The following ARHGAP5 variants were observed in gnomAD, a reference collection of about 807,000 sequenced individuals.
ARHGAP5 encodes Rho GTPase activating protein 5.
Under a neutral mutation model 116.6 loss-of-function variants are expected in ARHGAP5, and 23 were observed. The ratio of observed to expected loss-of-function variants is 0.20; its 90% confidence interval spans 0.14 to 0.28. ARHGAP5 has a LOEUF of 0.28. Ranked by LOEUF, ARHGAP5 falls within the 10% of genes least tolerant of loss-of-function variation. ARHGAP5 has a pLI of 1.00. For synonymous variants in ARHGAP5, 574 were observed against 602.0 expected (o/e 0.95, Z 0.68); for missense variants, 1,405 against 1,774.8 (o/e 0.79, Z 3.74).
chr14:32,123,598 GT>G (rs536208268), intron 3 of ARHGAP5, among the ~76,000 whole-genome samples: 22 of 151,864 alleles, frequency 1.4e-4, no homozygotes, highest in Admixed American at 1.0e-3. Flanking sequence ...TGTTTTGATA[GT>G]TTTGATGTCA....
At chr14:32,079,883 A>C (rs1301090571) in intron 1 of ARHGAP5, among the ~76,000 whole-genome samples, 1 of 152,190 alleles carries the variant, frequency 6.6e-6, no homozygotes, top group African/African-American at 2.4e-5. Flanking sequence ...GAAGGTGTGT[A>C]GTAATATAAT....
At chr14:32,102,930 T>C (rs1303138103) in intron 2 of ARHGAP5, among the ~76,000 whole-genome samples, 7 of 152,226 alleles carry the variant, frequency 4.6e-5, no homozygotes, top group African/African-American at 1.7e-4. Flanking sequence ...TTTCAAGAAA[T>C]TCAGTCTAAT....
At chr14:32,082,021 C>A (rs1356705197) in intron 1 of ARHGAP5, among the ~76,000 whole-genome samples, 1 of 152,080 alleles carries the variant, frequency 6.6e-6, no homozygotes, top group African/African-American at 2.4e-5. Context: ...TAGTTAGATT[C>A]ACAAAGGGAG....
intron 2 of ARHGAP5, among the ~76,000 whole-genome samples, chr14:32,108,118 G>A (rs768966974): frequency 3.3e-5 from 5 of 152,156 alleles, no homozygotes; most frequent in Non-Finnish European, 7.4e-5. Flanking sequence ...GTATCTGGTC[G>A]TGACAAGCGG....
chr14:32,131,994 T>C (rs1174180296), intron 3 of ARHGAP5, among the ~76,000 whole-genome samples: 5 of 152,200 alleles, frequency 3.3e-5, no homozygotes, highest in African/African-American at 1.2e-4. Context: ...TTGTTGGACA[T>C]TTAGGTTGGT....
At chr14:32,102,097 G>A (rs544138057) in intron 2 of ARHGAP5, among the ~76,000 whole-genome samples, 1 of 152,334 alleles carries the variant, frequency 6.6e-6, no homozygotes, top group East Asian at 1.9e-4. Context: ...GTGCTTGAAA[G>A]TTTCACATTT....
intron 3 of ARHGAP5, among the ~76,000 whole-genome samples, chr14:32,131,632 G>A (rs946227699): frequency 6.6e-6 from 1 of 152,002 alleles, no homozygotes. Context: ...TGTGCACAAC[G>A]TGCAGGTTTG....
chr14:32,146,219 A>G (rs1379392466), intron 3 of ARHGAP5, 44 bp from the exon 4 acceptor site: 3 of 1,393,480 alleles, frequency 2.2e-6, no homozygotes, highest in South Asian at 2.3e-5. Context: ...CCGTGTGGAT[A>G]TATATGTGTT....
At chr14:32,110,732 C>T (rs1879250810) in intron 2 of ARHGAP5, among the ~76,000 whole-genome samples, 1 of 151,984 alleles carries the variant, frequency 6.6e-6, no homozygotes, top group Non-Finnish European at 1.5e-5. Context: ...TGCAGTAATC[C>T]ATATATGTGA....
intron 1 of ARHGAP5, among the ~76,000 whole-genome samples, chr14:32,079,216 T>A (rs1253675196): frequency 6.6e-6 from 1 of 152,206 alleles, no homozygotes. Context: ...TAACTATTGA[T>A]TTGGTTGTCT....
chr14:32,124,916 G>A (rs555649304), intron 3 of ARHGAP5, among the ~76,000 whole-genome samples: 3 of 152,262 alleles, frequency 2.0e-5, no homozygotes, highest in Non-Finnish European at 4.4e-5. Context: ...CAAGAGTGGA[G>A]CCCTAAAACA....
intron 3 of ARHGAP5, among the ~76,000 whole-genome samples, chr14:32,140,132 T>C (rs1407967032): frequency 7.0e-6 from 1 of 143,590 alleles, no homozygotes; most frequent in Non-Finnish European, 1.5e-5. Flanking sequence ...TTTTTTTTTA[T>C]TATACTTTAA....
chr14:32,096,141 G>GT (rs540702897), intron 2 of ARHGAP5, among the ~76,000 whole-genome samples: 1,874 of 143,420 alleles, frequency 0.013, 21 homozygotes, highest in Non-Finnish European at 0.018. Context: ...CTATTGGTTT[G>GT]TTTTTTTTTT....
intron 3 of ARHGAP5, among the ~76,000 whole-genome samples, chr14:32,126,071 G>A (rs1049255906): frequency 6.6e-6 from 1 of 152,110 alleles, no homozygotes; most frequent in African/African-American, 2.4e-5. Flanking sequence ...AAATCTGAAT[G>A]CTTTCTATTT....
Position 32,128,431 on chromosome 14 carries a change from G to C in ARHGAP5, c.3865+11144G>C, listed in dbSNP as rs143072204. Among the ~76,000 whole-genome samples the C allele has an allele frequency of 2.8e-3, 429 of 152,382 alleles. 4 individuals are homozygous for C. The highest frequency in any genetic ancestry group is 9.8e-3 in the African/African-American group (407 of 41,596). ...CATCCTCACACCAACTTGCAAGGGCGTGGCCCGCCTTGTCACCATGAGACC... is the reference window on the plus strand; with the variant it reads ...CATCCTCACACCAACTTGCAAGGGCCTGGCCCGCCTTGTCACCATGAGACC... On this transcript the variant is annotated intron_variant, in intron 3 of 6. Coordinates refer to ENST00000345122, the MANE Select transcript of ARHGAP5 (RefSeq NM_001030055.2).
intron 3 of ARHGAP5, among the ~76,000 whole-genome samples, chr14:32,127,690 C>T (rs1219399362): frequency 6.6e-6 from 1 of 152,248 alleles, no homozygotes; most frequent in Non-Finnish European, 1.5e-5. Context: ...CTGTTGGGTA[C>T]ACCTCCCAGA....
At position 32,093,295 on chromosome 14, in the gene ARHGAP5, A is replaced by G; in HGVS notation, c.2626A>G (p.Thr876Ala). The change falls in exon 2 of 7, where the codon ACC (threonine) becomes GCC (alanine). Residue 876 changes from threonine to alanine, a missense_variant. Physicochemically the swap from Thr to Ala is moderately conservative, Grantham distance 58. Coordinates refer to ENST00000345122, the MANE Select transcript of ARHGAP5 (RefSeq NM_001030055.2). ...AGCATTTCTATCAGAAGTTCAAGACACCATTCCTGTACAGCTGGTGGCAGT... is the reference window on the plus strand; with the variant it reads ...AGCATTTCTATCAGAAGTTCAAGACGCCATTCCTGTACAGCTGGTGGCAGT... ...LRAFLSEVQDTIPVQLVAVTD... is the reference protein window; with the variant it reads ...LRAFLSEVQDAIPVQLVAVTD... 6.2e-7 allele frequency: 1 copy of G among 1,613,738 alleles called. No individual in the cohort carries two copies. The highest frequency in any genetic ancestry group is 1.1e-5 in the South Asian group (1 of 90,996).
At chr14:32,154,392 G>C in intron 6 of ARHGAP5, 1 of 428,018 alleles carries the variant, frequency 2.3e-6, no homozygotes, top group Non-Finnish European at 4.2e-6. Context: ...CAGGTGATCC[G>C]CCTGCCTCAG....
chr14:32,152,656 G>T, intron 6 of ARHGAP5, 128 bp downstream of exon 6: 2 of 487,916 alleles, frequency 4.1e-6, no homozygotes, highest in Non-Finnish European at 7.1e-6. Flanking sequence ...GTTGAATTTT[G>T]TTTTTCTAAT....
Sources: gnomAD v4.1 joint callset for allele counts (sites outside exome capture counted in the v4.1 genomes callset) on GRCh38, gnomAD v4.1.1 for gene constraint, MANE v1.5 for transcripts, NCBI Gene and HGNC (gene_info 2026-07-23, HGNC 2026-07-21) for gene names.